HYCC1: variants seen among roughly 807,000 people sequenced by gnomAD.
The protein encoded by HYCC1 is hyccin.
At chr7:22,927,084 T>A in the HYCC1 span, among the ~76,000 whole-genome samples, 1 of 152,206 alleles carries the variant, frequency 6.6e-6, no homozygotes, top group Admixed American at 6.5e-5. Flanking sequence ...GAATGACTAC[T>A]GGATACATAA....
the HYCC1 span, among the ~76,000 whole-genome samples, chr7:22,907,638 G>A: frequency 4.6e-5 from 7 of 152,168 alleles, no homozygotes; most frequent in East Asian, 1.9e-4. Context: ...AGCTGGGTGC[G>A]GGGGCCCACC....
the HYCC1 span, among the ~76,000 whole-genome samples, chr7:22,956,040 T>G: frequency 6.6e-6 from 1 of 151,756 alleles, no homozygotes; most frequent in East Asian, 1.9e-4. Flanking sequence ...CTTACTGGAA[T>G]TTTCATTTTG....
chr7:22,951,941 C>A, the HYCC1 span, among the ~76,000 whole-genome samples: 3 of 151,714 alleles, frequency 2.0e-5, no homozygotes, highest in Non-Finnish European at 4.4e-5. Context: ...AGTAAATATC[C>A]CCTAATCTAG....
the HYCC1 span, chr7:22,939,089 T>TG: frequency 6.6e-6 from 1 of 152,346 alleles, no homozygotes; most frequent in African/African-American, 2.4e-5. Context: ...GCATTCTTTT[T>TG]AATGGCTACA....
At chr7:22,994,777 T>G in the HYCC1 span, among the ~76,000 whole-genome samples, 1 of 152,170 alleles carries the variant, frequency 6.6e-6, no homozygotes, top group Non-Finnish European at 1.5e-5. Context: ...CACCACTGTC[T>G]GCTTTAGGTC....
At chr7:22,940,248 T>TG in the HYCC1 span, 1 of 128,218 alleles carries the variant, frequency 7.8e-6, no homozygotes, top group Admixed American at 7.7e-5. Context: ...TTTTTTTTTT[T>TG]TTTTTTTTTT....
At chr7:22,938,461 T>C in the HYCC1 span, 5 of 152,234 alleles carry the variant, frequency 3.3e-5, no homozygotes, top group African/African-American at 9.6e-5. Context: ...AAGGTGGCAC[T>C]TTCTCTTACC....
chr7:22,966,490 C>A, the HYCC1 span, among the ~76,000 whole-genome samples: 2 of 152,084 alleles, frequency 1.3e-5, no homozygotes, highest in East Asian at 3.8e-4. Flanking sequence ...TGGGGTTTCA[C>A]CACGTTGGTC....
At chr7:23,014,120 C>T in the HYCC1 span, 1 of 468,768 alleles carries the variant, frequency 2.1e-6, no homozygotes, top group Non-Finnish European at 4.4e-6. Flanking sequence ...ACCACTGCCG[C>T]CAGCCTCTCT....
the HYCC1 span, among the ~76,000 whole-genome samples, chr7:22,931,894 G>A: frequency 1.3e-5 from 2 of 152,326 alleles, no homozygotes; most frequent in Middle Eastern, 3.4e-3. Flanking sequence ...GCAAAGTGTG[G>A]AAGATGTGAT....
At chr7:22,925,361 G>A in the HYCC1 span, among the ~76,000 whole-genome samples, 1 of 152,146 alleles carries the variant, frequency 6.6e-6, no homozygotes, top group African/African-American at 2.4e-5. Context: ...AGAGAGGAAG[G>A]CTCCAGAAGA....
chr7:22,975,809 C>T, the HYCC1 span, among the ~76,000 whole-genome samples: 7 of 152,092 alleles, frequency 4.6e-5, no homozygotes, highest in South Asian at 6.2e-4. Context: ...CTCAACCTCC[C>T]GGGCTCAAGT....
At chr7:22,940,506 C>A in the HYCC1 span, 2 of 152,098 alleles carry the variant, frequency 1.3e-5, no homozygotes, top group Admixed American at 1.3e-4. Flanking sequence ...CCCACCTCGG[C>A]CTCCCAAAAG....
the HYCC1 span, among the ~76,000 whole-genome samples, chr7:22,959,849 T>C: frequency 6.6e-6 from 1 of 152,192 alleles, no homozygotes; most frequent in Non-Finnish European, 1.5e-5. Flanking sequence ...AGACAAAGTG[T>C]TTAAAGTCCC....
the HYCC1 span, among the ~76,000 whole-genome samples, chr7:22,948,938 T>G: frequency 3.9e-5 from 6 of 152,004 alleles, no homozygotes; most frequent in Non-Finnish European, 8.8e-5. Flanking sequence ...TTGAGGTACA[T>G]GCCAGAGGTC....
chr7:22,947,148 T>C, the HYCC1 span: 7 of 1,550,440 alleles, frequency 4.5e-6, no homozygotes, highest in Middle Eastern at 1.7e-4. Context: ...TCTGCCTTTT[T>C]CCCCATTCCC....
At chr7:22,896,424 G>T in the HYCC1 span, among the ~76,000 whole-genome samples, 1 of 152,144 alleles carries the variant, frequency 6.6e-6, no homozygotes, top group Non-Finnish European at 1.5e-5. Context: ...AAGAGACAGG[G>T]TACACAGTTC....
At chr7:22,945,709 G>C in the HYCC1 span, 2 of 1,613,730 alleles carry the variant, frequency 1.2e-6, no homozygotes, top group Non-Finnish European at 1.7e-6. Flanking sequence ...GACTACAAGC[G>C]GAAAACCTAT....
chr7:22,977,278 T>C, the HYCC1 span: 1 of 1,035,368 alleles, frequency 9.7e-7, no homozygotes, highest in Non-Finnish European at 1.5e-6. Flanking sequence ...ATAACTAGAT[T>C]ATAACTTGTG....
Sources: gnomAD v4.1 joint callset for allele counts (sites outside exome capture counted in the v4.1 genomes callset) on GRCh38, gnomAD v4.1.1 for gene constraint, MANE v1.5 for transcripts, NCBI Gene and HGNC (gene_info 2026-07-23, HGNC 2026-07-21) for gene names.